The following OTUD7B variants were observed in gnomAD, a reference collection of about 807,000 sequenced individuals.
OTUD7B encodes OTU deubiquitinase 7B, also known as OTU domain-containing protein 7B.
In OTUD7B, 34 loss-of-function variants were observed where a neutral mutation model predicts 82.2. The observed-to-expected ratio is 0.41, with a 90% CI of 0.31 to 0.55. The LOEUF (loss-of-function observed/expected upper bound fraction) is 0.55. Among genes scored for constraint, OTUD7B ranks in the 20% least tolerant of loss-of-function variants. The probability of loss-of-function intolerance (pLI) is 0.20; values close to 1 mark genes in which losing one functional copy is unlikely to be tolerated. For synonymous variants in OTUD7B, 398 were observed against 402.7 expected, an observed-to-expected ratio of 0.99 and a Z score of 0.14; for missense variants, 944 against 1,062.1, an observed-to-expected ratio of 0.89 and a Z score of 1.55.
upstream of OTUD7B, among the ~76,000 whole-genome samples, chr1:150,014,106 AGTAG>A (rs1358528687): frequency 0.016 from 1,900 of 116,006 alleles, 60 homozygotes; most frequent in East Asian, 0.029. Context: ...ATATATATAT[AGTAG>A]GGGCTCAGCC....
At chr1:149,955,968 T>C (rs782803273) in intron 7 of OTUD7B, among the ~76,000 whole-genome samples, 1 of 152,220 alleles carries the variant, frequency 6.6e-6, no homozygotes, top group Non-Finnish European at 1.5e-5. Flanking sequence ...CGCACACTGA[T>C]GGGTCTTGAC....
At chr1:150,036,812 A>G in the OTUD7B span, among the ~76,000 whole-genome samples, 2 of 152,230 alleles carry the variant, frequency 1.3e-5, no homozygotes, top group Non-Finnish European at 2.9e-5. Flanking sequence ...TAATAAAAAA[A>G]TCTTTGTTCC....
Position 149,945,036 on chromosome 1 carries a change from G to C in OTUD7B, c.1353C>G (p.Thr451=). Residue 451 remains threonine (T), a synonymous_variant, in exon 12 of 12, where the codon ACC becomes ACG. Coordinates refer to ENST00000581312, the MANE Select transcript of OTUD7B (RefSeq NM_020205.4). ...ACCGGGGCTCATCTCCAGCTGAGGCGGTGGGGGACTCAGGCTGGGCCAGAG... is the reference window on the plus strand; with the variant it reads ...ACCGGGGCTCATCTCCAGCTGAGGCCGTGGGGGACTCAGGCTGGGCCAGAG... The part of the protein sequence containing the change: ...QAPLAQPESP[T]ASAGDEPRST... The C allele has an allele frequency of 1.9e-6, 3 of 1,613,924 alleles. No homozygotes were observed. Among genetic ancestry groups the C allele is most frequent in the Non-Finnish European group, 1.7e-6 (2 of 1,179,912 alleles).
chr1:150,046,562 C>T, the OTUD7B span, among the ~76,000 whole-genome samples: 1 of 150,908 alleles, frequency 6.6e-6, no homozygotes, highest in Admixed American at 6.6e-5. Flanking sequence ...ATTCTCCTTC[C>T]TCAGCCTCCT....
the OTUD7B span, among the ~76,000 whole-genome samples, chr1:150,020,368 T>C: frequency 6.6e-6 from 1 of 152,108 alleles, no homozygotes; most frequent in Non-Finnish European, 1.5e-5. Context: ...AAACCCTGTC[T>C]CTATTAAAAA....
At position 149,951,714 on chromosome 1, in the gene OTUD7B, A is replaced by C. The variant is rs1335704312; in HGVS notation, c.846-1493T>G. 2.6e-5 allele frequency among the ~76,000 whole-genome samples: 4 copies of C among 152,214 alleles called. No individual in the cohort carries two copies. The East Asian group carries it at 7.7e-4, about 29-fold the overall frequency. On this transcript the variant is annotated intron_variant, in intron 7 of 11. Coordinates refer to ENST00000581312, the MANE Select transcript of OTUD7B (RefSeq NM_020205.4). ...TTTCTGGGGTGGAGGTCCAGAAATC[A>C]GCTTTTTAAATAACTCTCCCAGATT... is the stretch of plus-strand genomic sequence containing the variant.
chr1:150,002,743 A>G (rs1386001173), intron 1 of OTUD7B, among the ~76,000 whole-genome samples: 1 of 152,188 alleles, frequency 6.6e-6, no homozygotes, highest in African/African-American at 2.4e-5. Flanking sequence ...CTATTTGAAA[A>G]TGAATGAGGA....
chr1:149,956,847 G>A (rs587700400), intron 7 of OTUD7B, among the ~76,000 whole-genome samples: 38 of 152,194 alleles, frequency 2.5e-4, no homozygotes, highest in Middle Eastern at 6.8e-3. Flanking sequence ...GCTTGTGCAC[G>A]CGTCACATAG....
chr1:149,953,880 A>G (rs1402163801), intron 7 of OTUD7B, among the ~76,000 whole-genome samples: 6 of 152,058 alleles, frequency 3.9e-5, no homozygotes, highest in Non-Finnish European at 5.9e-5. Context: ...AATGCTTGTG[A>G]TTTTTGCACA....
chr1:150,034,958 C>T, the OTUD7B span, among the ~76,000 whole-genome samples: 2 of 152,112 alleles, frequency 1.3e-5, no homozygotes, highest in South Asian at 4.2e-4. Context: ...CCCTGGCTAA[C>T]ATGATGAAAC....
chr1:150,010,022 T>C lies in OTUD7B; in HGVS notation c.-67+426A>G, dbSNP rs373757276. ...GTATGCACCTTAGTTTGGCTATCAA[T>C]AGGAAGAATAAGCTTATTTGCTTTT... On this transcript the variant is annotated intron_variant, in intron 1 of 11. Transcript: ENST00000581312. 1.9e-4 allele frequency among the ~76,000 whole-genome samples: 29 copies of C among 152,100 alleles called. 2 individuals are homozygous for C. The highest frequency in any genetic ancestry group is 1.0e-3 in the Admixed American group (16 of 15,258).
In OTUD7B at chr1:149,944,140, T is replaced by G. The variant is rs1647488458; in HGVS notation, c.2249A>C (p.Glu750Ala). 1 of 1,613,822 alleles carries G rather than the reference T, an allele frequency of 6.2e-7. No homozygotes were observed. Among genetic ancestry groups the G allele is most frequent in the Non-Finnish European group, 8.5e-7 (1 of 1,179,932 alleles). Residue 750 changes from glutamate (E) to alanine (A), a missense_variant, in exon 12 of 12, where the codon GAG becomes GCG. Coordinates refer to ENST00000581312, the MANE Select transcript of OTUD7B (RefSeq NM_020205.4). ...YPHQDSIPSL[E>A]PGSHSKDGLH... ...TCCATCCTTAGAGTGGCTGCCTGGC[T>G]CCAGAGAAGGGATGCTGTCCTGGTG... is the stretch of plus-strand genomic sequence containing the variant.
intron 7 of OTUD7B, among the ~76,000 whole-genome samples, chr1:149,958,322 C>CTTTTTTTTTTTTTTTTTTTTTT (rs34299927): frequency 1.2e-5 from 1 of 86,394 alleles, no homozygotes; most frequent in Non-Finnish European, 2.1e-5. Flanking sequence ...AAAGGACTAC[C>CTTTTTTTTTTTTTTTTTTTTTT]TTTTTTTTTT....
chr1:150,007,538 A>C (rs180737178), intron 1 of OTUD7B, among the ~76,000 whole-genome samples: 1 of 152,172 alleles, frequency 6.6e-6, no homozygotes, highest in African/African-American at 2.4e-5. Flanking sequence ...CCATATTTAT[A>C]CACCACCTTT....
chr1:150,009,192 C>T (rs1652862075), intron 1 of OTUD7B, among the ~76,000 whole-genome samples: 1 of 152,176 alleles, frequency 6.6e-6, no homozygotes, highest in Non-Finnish European at 1.5e-5. Flanking sequence ...ACCCAGCTTC[C>T]GTCCCTGAAG....
In OTUD7B at chr1:149,967,498, A is replaced by G. The variant is rs1649599878; in HGVS notation, c.298T>C (p.Ser100Pro). 1 of 1,610,734 alleles carries G rather than the reference A, an allele frequency of 6.2e-7. No individual in the cohort carries two copies. The highest frequency in any genetic ancestry group is 8.5e-7 in the Non-Finnish European group (1 of 1,178,198). ...VQEKRLSRGISHASSSIVSLA... is the reference protein window; with the variant it reads ...VQEKRLSRGIPHASSSIVSLA... The stretch of plus-strand genomic sequence containing the variant: ...GAAACAATGCTGGAGCTGGCGTGGG[A>G]GATGCCCCTAGACAGGCGTTTTTCT... The change falls in exon 4 of 12, where the codon TCC becomes CCC. Residue 100 changes from serine to proline, a missense_variant. Around this residue, in one of 3 missense-constraint regions of OTUD7B, gnomAD observed 530 missense variants for 625.6 expected, o/e 0.85. Transcript: ENST00000581312.
At chr1:150,049,629 C>CTCTTTT in the OTUD7B span, among the ~76,000 whole-genome samples, 23 of 43,472 alleles carry the variant, frequency 5.3e-4, 7 homozygotes, top group East Asian at 6.7e-3. Context: ...CTCTCTCTCT[C>CTCTTTT]TTTCTTTTTT....
At chr1:150,036,177 C>T in the OTUD7B span, among the ~76,000 whole-genome samples, 1 of 151,818 alleles carries the variant, frequency 6.6e-6, no homozygotes, top group African/African-American at 2.4e-5. Context: ...TGGTCTTGAA[C>T]TCCTGGGCTG....
At chr1:149,986,587 G>A (rs903341225) in intron 1 of OTUD7B, among the ~76,000 whole-genome samples, 2 of 152,198 alleles carry the variant, frequency 1.3e-5, no homozygotes, top group East Asian at 1.9e-4. Context: ...CTCTCTAACC[G>A]TCTCCTGATT....
Sources: allele counts gnomAD v4.1 joint callset (sites outside exome capture counted in the v4.1 genomes callset), GRCh38; gene constraint gnomAD v4.1.1; regional missense constraint gnomAD v4.1.1; transcripts MANE v1.5; gene names NCBI Gene and HGNC (gene_info 2026-07-23, HGNC 2026-07-21).